The following FGF14 variants were observed in gnomAD, a reference collection of about 807,000 sequenced individuals.
FGF14 encodes fibroblast growth factor 14.
Under a neutral mutation model 25.5 loss-of-function variants are expected in FGF14, and 5 were observed. The ratio of observed to expected loss-of-function variants is 0.20; its 90% CI spans 0.10 to 0.41. FGF14 has a LOEUF of 0.41. Among genes scored for constraint, FGF14 ranks in the 10% least tolerant of loss-of-function variants. The pLI, the probability that FGF14 is intolerant of heterozygous loss-of-function variation, is 1.00. For synonymous variants in FGF14, 138 were observed against 118.3 expected (o/e 1.17, Z -1.08); for missense variants, 222 against 320.1 (o/e 0.69, Z 2.34).
chr13:102,220,626 GCTTTAAAAT>G (rs2050569396), intron 1 of FGF14, among the ~76,000 whole-genome samples: 1 of 152,160 alleles, frequency 6.6e-6, no homozygotes, highest in Non-Finnish European at 1.5e-5. Flanking sequence ...TCACGTTCTT[GCTTTAAAAT>G]AACAGAGTTT....
intron 1 of FGF14, among the ~76,000 whole-genome samples, chr13:101,959,539 G>C (rs552693293): frequency 1.8e-3 from 281 of 152,200 alleles, no homozygotes; most frequent in African/African-American, 6.3e-3. Context: ...TCCTCAACAT[G>C]CACTGTATTT....
intron 1 of FGF14, among the ~76,000 whole-genome samples, chr13:102,155,804 C>A (rs1333574001): frequency 1.3e-5 from 2 of 151,630 alleles, no homozygotes; most frequent in East Asian, 3.9e-4. Context: ...CAAATAGATG[C>A]AATAAAAAAT....
intron 1 of FGF14, among the ~76,000 whole-genome samples, chr13:102,027,311 T>C (rs1055662536): frequency 7.3e-5 from 11 of 151,258 alleles, no homozygotes; most frequent in Admixed American, 6.6e-5. Flanking sequence ...ATAATGACTA[T>C]ATATTATAAT....
At chr13:102,366,618 C>CAAAA (rs57953786) in intron 1 of FGF14, 51 of 46,710 alleles carry the variant, frequency 1.1e-3, no homozygotes, top group East Asian at 2.3e-3. Context: ...ATTCTCCTTG[C>CAAAA]AAAAAAAAAA....
intron 1 of FGF14, among the ~76,000 whole-genome samples, chr13:102,092,461 CT>C (rs1299422623): frequency 6.6e-6 from 1 of 152,138 alleles, no homozygotes; most frequent in Non-Finnish European, 1.5e-5. Context: ...AGGCCATTTC[CT>C]TTATGAATTT....
chr13:102,260,199 AATCTAGTT>A (rs1016569477), intron 1 of FGF14, among the ~76,000 whole-genome samples: 5 of 152,268 alleles, frequency 3.3e-5, no homozygotes, highest in Admixed American at 2.6e-4. Context: ...TCACAGTTGA[AATCTAGTT>A]ATCTTTTGAA....
At chr13:102,297,086 A>G (rs1342940246) in intron 1 of FGF14, among the ~76,000 whole-genome samples, 1 of 152,184 alleles carries the variant, frequency 6.6e-6, no homozygotes, top group Non-Finnish European at 1.5e-5. Context: ...ATCAATGGTG[A>G]TAAGTCATAC....
At chr13:102,219,295 T>C (rs1250649789) in intron 1 of FGF14, among the ~76,000 whole-genome samples, 2 of 152,180 alleles carry the variant, frequency 1.3e-5, no homozygotes, top group African/African-American at 2.4e-5. Flanking sequence ...GAGTCTCCCA[T>C]TGCCTGCTTA....
At chr13:101,798,154 C>T (rs9518557) in intron 3 of FGF14, among the ~76,000 whole-genome samples, 138,675 of 152,130 alleles carry the variant, frequency 0.91, 64,531 homozygotes, top group East Asian at 1. Context: ...TGACTTGAAT[C>T]GCTATGTTTT....
chr13:101,954,713 T>C (rs896569953), intron 1 of FGF14, among the ~76,000 whole-genome samples: 2 of 152,144 alleles, frequency 1.3e-5, no homozygotes, highest in Non-Finnish European at 2.9e-5. Flanking sequence ...TGTGTGTGTG[T>C]GTGTGTGTGC....
intron 1 of FGF14, among the ~76,000 whole-genome samples, chr13:101,938,936 G>A (rs2035273286): frequency 6.6e-6 from 1 of 152,154 alleles, no homozygotes; most frequent in Non-Finnish European, 1.5e-5. Flanking sequence ...GATAATATCC[G>A]AAGACATTTT....
In FGF14 at chr13:101,733,916, AATTTG is replaced by A. The variant is rs1314367086; in HGVS notation, c.409-7111_409-7107del. Among the ~76,000 whole-genome samples the A allele has an allele frequency of 2.0e-5, 3 of 151,624 alleles. No homozygotes were observed. The East Asian group carries it at 5.8e-4, about 29-fold the overall frequency. On this transcript the variant is annotated intron_variant, in intron 3 of 4. Coordinates refer to ENST00000376143, the MANE Select transcript of FGF14 (RefSeq NM_004115.4). The stretch of plus-strand genomic sequence containing the variant: ...AACATTTAATAACTAAATATCAAAT[AATTTG>A]ATTTGAATTTTCACTTATTCAATAT...
At chr13:101,818,321 C>T (rs1022778356) in intron 3 of FGF14, among the ~76,000 whole-genome samples, 34 of 152,216 alleles carry the variant, frequency 2.2e-4, no homozygotes, top group Admixed American at 2.0e-3. Flanking sequence ...CCATACTATA[C>T]ATTTTGCTAT....
intron 3 of FGF14, among the ~76,000 whole-genome samples, chr13:101,750,728 A>T (rs1347529820): frequency 6.6e-6 from 1 of 152,176 alleles, no homozygotes; most frequent in Non-Finnish European, 1.5e-5. Context: ...TTACATCCAC[A>T]CAAAAACTTG....
intron 1 of FGF14, among the ~76,000 whole-genome samples, chr13:101,927,312 G>A (rs1213119355): frequency 1.3e-5 from 2 of 152,124 alleles, no homozygotes; most frequent in Admixed American, 1.3e-4. Context: ...ATCTCTCCCC[G>A]ACAGGGAGGG....
At chr13:101,895,309 A>C (rs575816560) in intron 1 of FGF14, among the ~76,000 whole-genome samples, 1 of 152,118 alleles carries the variant, frequency 6.6e-6, no homozygotes, top group Non-Finnish European at 1.5e-5. Context: ...TGATAATGTA[A>C]TTTTCTTACA....
At chr13:102,004,759 G>C (rs1342350188) in intron 1 of FGF14, among the ~76,000 whole-genome samples, 2 of 152,092 alleles carry the variant, frequency 1.3e-5, no homozygotes, top group Non-Finnish European at 2.9e-5. Flanking sequence ...TTGAATCATG[G>C]GGGCTGTAAC....
At chr13:101,989,995 C>T (rs1195153680) in intron 1 of FGF14, among the ~76,000 whole-genome samples, 1 of 152,088 alleles carries the variant, frequency 6.6e-6, no homozygotes, top group Non-Finnish European at 1.5e-5. Context: ...CTCTGTCTCA[C>T]CGTTTCTTCC....
intron 3 of FGF14, among the ~76,000 whole-genome samples, chr13:101,763,949 C>T (rs1456534107): frequency 1.3e-5 from 2 of 152,002 alleles, no homozygotes; most frequent in Non-Finnish European, 2.9e-5. Flanking sequence ...TGTGTGGAGA[C>T]ATCAGGAGTG....
Sources: gnomAD v4.1 joint callset for allele counts (sites outside exome capture counted in the v4.1 genomes callset) on GRCh38, gnomAD v4.1.1 for gene constraint, MANE v1.5 for transcripts, NCBI Gene and HGNC (gene_info 2026-07-23, HGNC 2026-07-21) for gene names.